The following HSF2 variants were observed in gnomAD, a reference collection of about 807,000 sequenced individuals.
The protein encoded by HSF2 is heat shock factor protein 2.
Under a neutral mutation model 65.0 loss-of-function variants are expected in HSF2, and 21 were observed. The ratio of observed to expected loss-of-function variants is 0.32; its 90% CI spans 0.23 to 0.47. HSF2 has a LOEUF of 0.47. HSF2 is among the 20% of genes least tolerant of loss of function. The pLI is 1.00. For missense variants in HSF2, 499 were observed against 628.1 expected (o/e 0.79, Z 2.20); for synonymous variants, 225 against 219.1 (o/e 1.03, Z -0.24).
At chr6:122,408,237 T>C (rs905444933) in intron 1 of HSF2, among the ~76,000 whole-genome samples, 1 of 152,022 alleles carries the variant, frequency 6.6e-6, no homozygotes, top group African/African-American at 2.4e-5. Flanking sequence ...TACTGTAGCT[T>C]CAGAAAAAGT....
intron 1 of HSF2, among the ~76,000 whole-genome samples, chr6:122,403,331 C>T (rs984987965): frequency 2.0e-5 from 3 of 152,242 alleles, no homozygotes; most frequent in Admixed American, 1.3e-4. Context: ...TGTGGCTAGG[C>T]GTGGTGGCTC....
intron 11 of HSF2, among the ~76,000 whole-genome samples, chr6:122,428,607 A>T (rs959518407): frequency 6.6e-6 from 1 of 151,834 alleles, no homozygotes; most frequent in African/African-American, 2.4e-5. Flanking sequence ...ATAGGTATAC[A>T]CTCCCTTTAT....
At chr6:122,408,066 A>T (rs996691847) in intron 1 of HSF2, among the ~76,000 whole-genome samples, 20 of 152,028 alleles carry the variant, frequency 1.3e-4, no homozygotes, top group Non-Finnish European at 2.9e-5. Context: ...CTCTGAACCT[A>T]ATTACCTCCC....
intron 1 of HSF2, among the ~76,000 whole-genome samples, chr6:122,410,203 C>T (rs1291518125): frequency 6.6e-6 from 1 of 151,790 alleles, no homozygotes; most frequent in Non-Finnish European, 1.5e-5. Context: ...CATCTTTACT[C>T]CACAAATCAT....
chr6:122,404,005 G>A (rs917084613), intron 1 of HSF2, among the ~76,000 whole-genome samples: 1 of 152,196 alleles, frequency 6.6e-6, no homozygotes, highest in Non-Finnish European at 1.5e-5. Context: ...GAAAGAACTG[G>A]AAGGTCATCC....
intron 7 of HSF2, among the ~76,000 whole-genome samples, chr6:122,421,232 T>C (rs1257018860): frequency 6.6e-6 from 1 of 152,076 alleles, no homozygotes; most frequent in East Asian, 1.9e-4. Context: ...GGCAAATTAG[T>C]CCAGTCCAAA....
chr6:122,408,102 A>G (rs1667930077), intron 1 of HSF2, among the ~76,000 whole-genome samples: 1 of 152,120 alleles, frequency 6.6e-6, no homozygotes, highest in Non-Finnish European at 1.5e-5. Context: ...AAATACCATC[A>G]TATCAGGGGC....
intron 10 of HSF2, among the ~76,000 whole-genome samples, chr6:122,425,877 T>G (rs1053363175): frequency 6.6e-6 from 1 of 152,122 alleles, no homozygotes; most frequent in African/African-American, 2.4e-5. Context: ...ATTCCGTTAC[T>G]TTGGGATCAT....
chr6:122,420,696 A>ATTTTTTTTTTTTTT (rs1353831309), intron 7 of HSF2, among the ~76,000 whole-genome samples: 1 of 20,380 alleles, frequency 4.9e-5, no homozygotes, highest in Non-Finnish European at 1.1e-4. Context: ...TAGTTTATTC[A>ATTTTTTTTTTTTTT]TTTCTTTTTT....
intron 1 of HSF2, among the ~76,000 whole-genome samples, 177 bp from the exon 2 acceptor site, chr6:122,412,196 A>G (rs2114432026): frequency 6.6e-6 from 1 of 152,078 alleles, no homozygotes; most frequent in African/African-American, 2.4e-5. Flanking sequence ...CTTAGTTGCA[A>G]TTTGTTGCTT....
At chr6:122,404,390 A>G (rs928724768) in intron 1 of HSF2, among the ~76,000 whole-genome samples, 1 of 152,230 alleles carries the variant, frequency 6.6e-6, no homozygotes, top group African/African-American at 2.4e-5. Flanking sequence ...ATGGACCTGC[A>G]GAAAAGTTGA....
intron 9 of HSF2, 42 bp from the exon 10 acceptor site, chr6:122,423,539 A>G: frequency 9.7e-7 from 1 of 1,031,496 alleles, no homozygotes; most frequent in Admixed American, 2.1e-5. Context: ...CATAAAAACA[A>G]GGATATCTAA....
At position 122,427,926 on chromosome 6, in the gene HSF2, G is replaced by C. The variant is rs778926146; in HGVS notation, c.1200G>C (p.Met400Ile). 4 of 1,601,890 alleles carry C rather than the reference G, an allele frequency of 2.5e-6. No individual in the cohort carries two copies. The highest frequency in any genetic ancestry group is 3.4e-6 in the Non-Finnish European group (4 of 1,170,926). The stretch of plus-strand genomic sequence containing the variant: ...AGCTTTTCACTAGTTCTGTGCAGAT[G>C]AATCCCACAGATTACATCAATAATA... ...LVDLFTSSVQ[M>I]NPTDYINNTK... Residue 400 changes from methionine to isoleucine, a missense_variant, in exon 11 of 13, where the codon ATG becomes ATC. Transcript: ENST00000368455.
Position 122,431,411 on chromosome 6 carries a change from A to G in HSF2, c.1231-19A>G, listed in dbSNP as rs749424085. On this transcript the variant is annotated intron_variant, in intron 11 of 12. Coordinates refer to ENST00000368455, the MANE Select transcript of HSF2 (RefSeq NM_004506.4). Reference sequence around the variant, plus strand: ...TAAAATATGAAACAAGTACTTATATATATATTTTTTTCTTTTAGTCTGAGA... The same window carrying G: ...TAAAATATGAAACAAGTACTTATATGTATATTTTTTTCTTTTAGTCTGAGA... The G allele has an allele frequency of 5.4e-5, 67 of 1,234,594 alleles. 1 individual carries two copies. Among genetic ancestry groups the G allele is most frequent in the Admixed American group, 9.2e-5 (4 of 43,454 alleles). The allele number at this position is 1,234,594 out of a possible 1,614,324, so 76.5% of individuals were successfully genotyped here.
At chr6:122,407,843 T>G (rs1773901781) in intron 1 of HSF2, among the ~76,000 whole-genome samples, 1 of 152,158 alleles carries the variant, frequency 6.6e-6, no homozygotes, top group Non-Finnish European at 1.5e-5. Context: ...CAGGCGTTTA[T>G]TTTTTACAGT....
chr6:122,422,007 GT>G, intron 7 of HSF2, 142 bp from the exon 8 acceptor site: 1 of 605,922 alleles, frequency 1.7e-6, no homozygotes, highest in Non-Finnish European at 2.9e-6. Context: ...TATTATGTAA[GT>G]TCCGTAAGAG....
intron 10 of HSF2, 39 bp from the exon 11 acceptor site, chr6:122,427,863 TA>T (rs1333331210): frequency 6.7e-7 from 1 of 1,488,346 alleles, no homozygotes; most frequent in Non-Finnish European, 9.3e-7. Context: ...TATTTTTAAT[TA>T]TTTTTTAAAC....
In HSF2 at chr6:122,432,497, ATC is replaced by A; in HGVS notation, c.*279_*280del. On this transcript the variant is annotated 3_prime_UTR_variant, in exon 13 of 13. Coordinates refer to ENST00000368455, the MANE Select transcript of HSF2 (RefSeq NM_004506.4). Reference sequence around the variant, plus strand: ...TTTCTCCAATTTTGGTAAATTGGATATCTTTTTTTTACAAATACGACCATTAA... The same window carrying A: ...TTTCTCCAATTTTGGTAAATTGGATATTTTTTTTACAAATACGACCATTAA... The A allele has an allele frequency of 3.0e-6, 1 of 336,984 alleles. No individual in the cohort carries two copies. The allele number at this position is 336,984 out of a possible 1,614,324, so 20.9% of individuals were successfully genotyped here. A position where few individuals can be genotyped will look rare whatever the true frequency, so the allele number is the denominator to read the frequency against.
At chr6:122,426,048 A>G (rs1233205988) in intron 10 of HSF2, among the ~76,000 whole-genome samples, 1 of 152,046 alleles carries the variant, frequency 6.6e-6, no homozygotes, top group Non-Finnish European at 1.5e-5. Context: ...TTCTCTCATC[A>G]TTCACTAAAT....
Sources: allele counts gnomAD v4.1 joint callset (sites outside exome capture counted in the v4.1 genomes callset), GRCh38; gene constraint gnomAD v4.1.1; transcripts MANE v1.5; gene names NCBI Gene and HGNC (gene_info 2026-07-23, HGNC 2026-07-21).